The following TMEM156 variants were observed in gnomAD, a reference collection of about 807,000 sequenced individuals.
TMEM156 encodes the protein transmembrane protein 156.
A neutral mutation model predicts 30.5 loss-of-function variants in TMEM156; 28 were observed. The observed-to-expected ratio is 0.92, with a 90% CI of 0.68 to 1.26. TMEM156 has a LOEUF of 1.26. Among genes scored for constraint, TMEM156 ranks in the 50% most tolerant of loss-of-function variants. The pLI is 0.00. For synonymous variants in TMEM156, 137 were observed against 119.9 expected, an observed-to-expected ratio of 1.14 and a Z score of -0.93; for missense variants, 351 against 340.6, an observed-to-expected ratio of 1.03 and a Z score of -0.24.
chr4:38,983,629 G>T lies in TMEM156; in HGVS notation c.823+2707C>A, dbSNP rs370981244. Among the ~76,000 whole-genome samples, 4 of 152,092 alleles carry T rather than the reference G, an allele frequency of 2.6e-5. No homozygotes were observed. In the South Asian group the frequency reaches 8.3e-4, roughly 32 times the overall value. ...TGCCCAGGCTGGTCTTGAACTCCTG[G>T]ACTCAAGTGATCCTCCCACCTCGGC... On this transcript the variant is annotated intron_variant, in intron 5 of 6. Coordinates refer to ENST00000381938, the MANE Select transcript of TMEM156 (RefSeq NM_024943.3).
At chr4:39,018,267 C>G (rs6811322) in intron 1 of TMEM156, among the ~76,000 whole-genome samples, 1 of 152,174 alleles carries the variant, frequency 6.6e-6, no homozygotes, top group South Asian at 2.1e-4. Flanking sequence ...TACTTTAACT[C>G]GGATCATCTC....
At chr4:39,019,657 C>T (rs760012017) in intron 1 of TMEM156, among the ~76,000 whole-genome samples, 9 of 151,876 alleles carry the variant, frequency 5.9e-5, no homozygotes, top group Non-Finnish European at 1.2e-4. Context: ...GGTGCCTTTC[C>T]CCAAGTTTTA....
intron 3 of TMEM156, among the ~76,000 whole-genome samples, chr4:38,989,316 T>G (rs1310933873): frequency 6.6e-6 from 1 of 152,186 alleles, no homozygotes; most frequent in Non-Finnish European, 1.5e-5. Flanking sequence ...CCACTTACAA[T>G]TCATAATTTT....
intron 1 of TMEM156, among the ~76,000 whole-genome samples, chr4:39,010,875 C>T (rs1171575324): frequency 6.6e-6 from 1 of 151,964 alleles, no homozygotes; most frequent in Non-Finnish European, 1.5e-5. Context: ...TGAATAAGTC[C>T]TCAAAAGCAA....
chr4:39,007,479 G>T (rs1713822169), intron 1 of TMEM156, among the ~76,000 whole-genome samples: 1 of 151,788 alleles, frequency 6.6e-6, no homozygotes, highest in African/African-American at 2.4e-5. Context: ...TTGAAACAGA[G>T]TCTTGCTCTG....
At chr4:38,987,141 A>T (rs1166905650) in intron 4 of TMEM156, among the ~76,000 whole-genome samples, 2 of 152,166 alleles carry the variant, frequency 1.3e-5, no homozygotes, top group Non-Finnish European at 2.9e-5. Flanking sequence ...AGCTTTTCAT[A>T]TGGGAAAATG....
intron 3 of TMEM156, among the ~76,000 whole-genome samples, chr4:38,989,936 G>A (rs1712299360): frequency 6.6e-6 from 1 of 152,134 alleles, no homozygotes; most frequent in Non-Finnish European, 1.5e-5. Flanking sequence ...GGGGATTACA[G>A]GTGCTCACCA....
chr4:39,012,571 C>T (rs576680795), intron 1 of TMEM156, among the ~76,000 whole-genome samples: 3 of 152,104 alleles, frequency 2.0e-5, no homozygotes, highest in African/African-American at 7.2e-5. Context: ...TTTGGGAGGT[C>T]GAGGCAGGCG....
chr4:38,981,360 T>C (rs1711533801), intron 5 of TMEM156, among the ~76,000 whole-genome samples: 1 of 152,214 alleles, frequency 6.6e-6, no homozygotes, highest in Non-Finnish European at 1.5e-5. Context: ...TTTCTTTTGC[T>C]TCGTGTTCCC....
intron 3 of TMEM156, among the ~76,000 whole-genome samples, chr4:38,992,904 G>A (rs1181329212): frequency 6.6e-6 from 1 of 150,484 alleles, no homozygotes; most frequent in Non-Finnish European, 1.5e-5. Context: ...TGGGACTACA[G>A]GCAAATGCCA....
At position 38,969,766 on chromosome 4, in the gene TMEM156, T is replaced by C. The variant is rs188653259; in HGVS notation, c.*38+1266A>G. On this transcript the variant is annotated intron_variant, in intron 6 of 6. Transcript: ENST00000381938. ...TGTCACCACGCCTGGCTAATTTTTG[T>C]ATTTTTTGTAGAGACAGGGTTTCAC... 7.7e-4 allele frequency among the ~76,000 whole-genome samples: 117 copies of C among 152,194 alleles called. 3 individuals carry two copies. Among genetic ancestry groups the C allele is most frequent in the Non-Finnish European group, 2.9e-5 (2 of 67,996 alleles).
intron 1 of TMEM156, among the ~76,000 whole-genome samples, chr4:39,001,057 TAGGCAACCTATC>T (rs1713308301): frequency 6.6e-6 from 1 of 151,956 alleles, no homozygotes; most frequent in African/African-American, 2.4e-5. Context: ...AACTAAGGAA[TAGGCAACCTATC>T]TTTCAGAAAT....
At chr4:38,971,526 C>G (rs1722594437) in intron 5 of TMEM156, among the ~76,000 whole-genome samples, 1 of 152,100 alleles carries the variant, frequency 6.6e-6, no homozygotes, top group South Asian at 2.1e-4. Context: ...ACAATTTTAC[C>G]AAGAAGCAAA....
chr4:38,986,807 C>CAAAA lies in TMEM156; in HGVS notation c.740-392_740-389dup, dbSNP rs59087758. ...TGGACGAAAGAGTGAGACTCCATCT[C>CAAAA]AAAAAAAAAAAAAAAAAAAAAAAAA... On this transcript the variant is annotated intron_variant, in intron 4 of 6. Coordinates refer to ENST00000381938, the MANE Select transcript of TMEM156 (RefSeq NM_024943.3). Among the ~76,000 whole-genome samples the CAAAA allele has an allele frequency of 8.0e-4, 19 of 23,748 alleles. 2 individuals carry two copies. The highest frequency in any genetic ancestry group is 1.1e-3 in the African/African-American group (8 of 7,232). The allele number at this position is 23,748 out of a possible 152,430, so 15.6% of individuals were successfully genotyped here.
At chr4:38,976,105 G>A (rs1325113700) in intron 5 of TMEM156, among the ~76,000 whole-genome samples, 1 of 151,804 alleles carries the variant, frequency 6.6e-6, no homozygotes, top group African/African-American at 2.4e-5. Context: ...TGGCCAACAT[G>A]GTGAAACCCC....
Position 38,993,882 on chromosome 4 carries a change from A to G in TMEM156, c.475T>C (p.Cys159Arg), listed in dbSNP as rs1429927830. The change falls in exon 3 of 7, where the codon TGT (cysteine) becomes CGT (arginine). Residue 159 changes from cysteine (C) to arginine (R), a missense_variant. Physicochemically the swap from Cys to Arg is radical, Grantham distance 180. Coordinates refer to ENST00000381938, the MANE Select transcript of TMEM156 (RefSeq NM_024943.3). ...VDHLEEYNTT[C>R]HLKNHTGRST... ...CTTCCAGTGTGGTTTTTTAGATGAC[A>G]GGTAGTGTTATATTCCTCCAAGTGG... The G allele has an allele frequency of 6.2e-7, 1 of 1,614,162 alleles. No individual in the cohort carries two copies. Among genetic ancestry groups the G allele is most frequent in the Non-Finnish European group, 8.5e-7 (1 of 1,180,014 alleles).
chr4:39,004,989 A>G (rs1465714537), intron 1 of TMEM156, among the ~76,000 whole-genome samples: 1 of 152,230 alleles, frequency 6.6e-6, no homozygotes, highest in African/African-American at 2.4e-5. Context: ...TCAAATGTCT[A>G]AAAACTAGTG....
chr4:39,030,808 C>T (rs979921399), intron 1 of TMEM156, among the ~76,000 whole-genome samples: 2 of 152,188 alleles, frequency 1.3e-5, no homozygotes, highest in South Asian at 2.1e-4. Context: ...ACTCTCAGCC[C>T]ACAATATCTT....
chr4:38,973,072 A>T (rs1432085372), intron 5 of TMEM156, among the ~76,000 whole-genome samples: 1 of 152,188 alleles, frequency 6.6e-6, no homozygotes, highest in African/African-American at 2.4e-5. Context: ...TCCATTTAAA[A>T]GTCACCCTAA....
Sources: allele counts gnomAD v4.1 joint callset (sites outside exome capture counted in the v4.1 genomes callset), GRCh38; gene constraint gnomAD v4.1.1; transcripts MANE v1.5; gene names NCBI Gene and HGNC (gene_info 2026-07-23, HGNC 2026-07-21).